Variants in AKAP8L observed in about 807,000 individuals in gnomAD.
The protein encoded by AKAP8L is A-kinase anchor protein 8-like.
A neutral mutation model predicts 77.5 loss-of-function variants in AKAP8L; 34 were observed. That is an observed-to-expected ratio of 0.44 (90% CI 0.33 to 0.58). The LOEUF is 0.58. Among genes scored for constraint, AKAP8L ranks in the 20% least tolerant of loss-of-function variants. The probability of loss-of-function intolerance (pLI) is 0.02; values close to 1 mark genes in which losing one functional copy is unlikely to be tolerated. For synonymous variants in AKAP8L, 342 were observed against 340.7 expected, an observed-to-expected ratio of 1.00 and a Z score of -0.04; for missense variants, 806 against 887.6, an observed-to-expected ratio of 0.91 and a Z score of 1.17.
chr19:15,414,686 C>T (rs554302435), intron 1 of AKAP8L, among the ~76,000 whole-genome samples: 16 of 152,182 alleles, frequency 1.1e-4, no homozygotes, highest in South Asian at 6.2e-4. Context: ...GATGGGGTTT[C>T]GCTGTGTTAG....
Position 15,401,168 on chromosome 19 carries a change from C to T in AKAP8L, c.798G>A (p.Trp266Ter). ...CACTCACTCGGAAGTCGGCTGTGGT[C>T]CAGGTCTTCCAGGTCCGCCTCATCT... Reference protein sequence around the residue: ...MKQMRRTWKTWTTADFRTKKK... With the variant: ...MKQMRRTWKT Residue 266 changes from tryptophan to a stop codon, truncating the protein, a stop_gained, in exon 5 of 14, where the codon TGG (tryptophan) becomes TGA (stop). Transcript: ENST00000397410. LOFTEE classifies it high-confidence loss of function. This position sits in a 1 kb window ranked among gnomAD's most constrained non-coding sequence, Gnocchi z 6.2. 1.2e-6 allele frequency: 2 copies of T among 1,606,658 alleles called. No homozygotes were observed. The highest frequency in any genetic ancestry group is 1.7e-6 in the Non-Finnish European group (2 of 1,176,946).
intron 1 of AKAP8L, among the ~76,000 whole-genome samples, chr19:15,411,482 G>C (rs1968104053): frequency 6.7e-6 from 1 of 149,102 alleles, no homozygotes; most frequent in African/African-American, 2.5e-5. Flanking sequence ...AAAAAAGCCA[G>C]CTGTGGCAGC....
At chr19:15,380,938 G>C (rs186379699) in intron 12 of AKAP8L, 1 of 282,222 alleles carries the variant, frequency 3.5e-6, no homozygotes, top group African/African-American at 2.2e-5. Context: ...GCCAAAGGTG[G>C]GTGCAACCTG....
At chr19:15,393,107 T>C (rs1012065575) in intron 12 of AKAP8L, among the ~76,000 whole-genome samples, 3 of 152,004 alleles carry the variant, frequency 2.0e-5, no homozygotes, top group Non-Finnish European at 4.4e-5. Flanking sequence ...TTCATTTCTT[T>C]TTCAAATGGT....
chr19:15,387,904 A>AGATCGC (rs1555697349), intron 12 of AKAP8L, among the ~76,000 whole-genome samples: 24 of 151,360 alleles, frequency 1.6e-4, no homozygotes, highest in African/African-American at 5.3e-4. Flanking sequence ...GGTTGCAGCA[A>AGATCGC]GCCAAGATCG....
chr19:15,391,842 T>G (rs1967670280), intron 12 of AKAP8L, among the ~76,000 whole-genome samples: 1 of 152,088 alleles, frequency 6.6e-6, no homozygotes, highest in African/African-American at 2.4e-5. Flanking sequence ...CAGCCTTATG[T>G]TTTTATTTTT....
intron 1 of AKAP8L, chr19:15,417,810 G>A (rs1409420155): frequency 1.3e-5 from 2 of 152,214 alleles, no homozygotes; most frequent in African/African-American, 4.8e-5. Flanking sequence ...ACCAAACAGG[G>A]AGGCCTAGTG....
intron 7 of AKAP8L, 41 bp downstream of exon 7, chr19:15,400,753 C>A (rs770068043): frequency 6.2e-7 from 1 of 1,611,494 alleles, no homozygotes; most frequent in Admixed American, 1.7e-5. Context: ...GGCCAGCTCG[C>A]CCTGCCTGCA....
chr19:15,400,896 G>A, intron 6 of AKAP8L, 32 bp from the exon 7 acceptor site: 1 of 1,613,948 alleles, frequency 6.2e-7, no homozygotes, highest in Non-Finnish European at 8.5e-7. Flanking sequence ...GCTCAACCCA[G>A]GAGTTCCCAG....
At chr19:15,389,047 T>C (rs1460342260) in intron 12 of AKAP8L, among the ~76,000 whole-genome samples, 1 of 137,972 alleles carries the variant, frequency 7.2e-6, no homozygotes, top group African/African-American at 2.7e-5. Context: ...ACCCCATCTC[T>C]ACTAAAAAAA....
Position 15,403,674 on chromosome 19 carries a change from T to C in AKAP8L, c.163A>G (p.Asn55Asp). The C allele has an allele frequency of 6.2e-7, 1 of 1,610,068 alleles. No homozygotes were observed. Among genetic ancestry groups the C allele is most frequent in the Non-Finnish European group, 8.5e-7 (1 of 1,178,066 alleles). Residue 55 changes from asparagine (N) to aspartate (D), a missense_variant, in exon 4 of 14, where the codon AAC becomes GAC. This residue lies in a region of AKAP8L where 580 missense variants were observed against 694.1 expected (regional missense o/e 0.84). Coordinates refer to ENST00000397410, the MANE Select transcript of AKAP8L (RefSeq NM_014371.4). This position sits in a 1 kb window ranked among gnomAD's most constrained non-coding sequence, Gnocchi z 4.3. ...ATACCATACCCATAGTTGGTGGTGTTATCCTGGCCATAGCCATAGCCATAG... is the reference window on the plus strand; with the variant it reads ...ATACCATACCCATAGTTGGTGGTGTCATCCTGGCCATAGCCATAGCCATAG... Reference protein sequence around the residue: ...YGYGYGYGQDNTTNYGYGMAT... With the variant: ...YGYGYGYGQDDTTNYGYGMAT...
Position 15,397,335 on chromosome 19 carries a change from G to C in AKAP8L, c.1406-55C>G. On this transcript the variant is annotated intron_variant, in intron 11 of 13. Coordinates refer to ENST00000397410, the MANE Select transcript of AKAP8L (RefSeq NM_014371.4). The surrounding 1 kb of genome is among the most constrained non-coding windows in gnomAD (Gnocchi z 4.7). ...GGCCCAGGTGCCTAAGATAGACCCAGGTGTTCGAGAAAAAAACCACACCAG... is the reference window on the plus strand; with the variant it reads ...GGCCCAGGTGCCTAAGATAGACCCACGTGTTCGAGAAAAAAACCACACCAG... 4.4e-6 allele frequency: 7 copies of C among 1,602,082 alleles called. No individual in the cohort carries two copies. The highest frequency in any genetic ancestry group is 6.0e-6 in the Non-Finnish European group (7 of 1,171,856).
At chr19:15,389,657 G>C (rs1967618564) in intron 12 of AKAP8L, among the ~76,000 whole-genome samples, 1 of 152,192 alleles carries the variant, frequency 6.6e-6, no homozygotes, top group Non-Finnish European at 1.5e-5. Flanking sequence ...TGTAATCCCA[G>C]CTACTCAGAA....
At chr19:15,386,970 T>C (rs1265947050) in intron 12 of AKAP8L, among the ~76,000 whole-genome samples, 1 of 152,068 alleles carries the variant, frequency 6.6e-6, no homozygotes, top group Non-Finnish European at 1.5e-5. Context: ...GATGTCAGTA[T>C]CTCTCATCCC....
chr19:15,415,448 A>G (rs966853488), intron 1 of AKAP8L, among the ~76,000 whole-genome samples: 1 of 152,106 alleles, frequency 6.6e-6, no homozygotes, highest in Non-Finnish European at 1.5e-5. Context: ...AAAACAAAAC[A>G]AATGCTTCTC....
intron 2 of AKAP8L, 55 bp from the exon 3 acceptor site, chr19:15,404,097 A>C: frequency 6.4e-7 from 1 of 1,573,858 alleles, no homozygotes; most frequent in Non-Finnish European, 8.7e-7. Context: ...ACAAGGCCAT[A>C]ATTCAGGCGC....
At chr19:15,402,629 C>T (rs1309058368) in intron 4 of AKAP8L, among the ~76,000 whole-genome samples, 6 of 152,234 alleles carry the variant, frequency 3.9e-5, no homozygotes, top group Non-Finnish European at 5.9e-5. Flanking sequence ...CACACCCTGC[C>T]ACCACAGCCC....
chr19:15,380,085 C>A lies in AKAP8L; in HGVS notation c.*37G>T. The A allele has an allele frequency of 6.9e-7, 1 of 1,450,482 alleles. No individual in the cohort carries two copies. The highest frequency in any genetic ancestry group is 9.0e-7 in the Non-Finnish European group (1 of 1,113,742). 89.9% of individuals were successfully genotyped at this position (1,450,482 alleles called of 1,614,324 possible). A position where few individuals can be genotyped will look rare whatever the true frequency, so the allele number is the denominator to read the frequency against. On this transcript the variant is annotated 3_prime_UTR_variant, in exon 14 of 14. Transcript: ENST00000397410. ...AAACTTTATTAGGTTTGGTTTCCAG[C>A]TTCGGCCACGCGGGCTCCGCCCGCC... is the stretch of plus-strand genomic sequence containing the variant.
At chr19:15,418,008 T>G (rs1212976512) in intron 1 of AKAP8L, among the ~76,000 whole-genome samples, 3 of 152,196 alleles carry the variant, frequency 2.0e-5, no homozygotes, top group Non-Finnish European at 4.4e-5. Context: ...TGGCTGATCT[T>G]CTAACAAGCC....
Sources: allele counts gnomAD v4.1 joint callset (sites outside exome capture counted in the v4.1 genomes callset), GRCh38; gene constraint gnomAD v4.1.1; regional missense constraint gnomAD v4.1.1; non-coding constraint Gnocchi (gnomAD v3.1); transcripts MANE v1.5; gene names NCBI Gene and HGNC (gene_info 2026-07-23, HGNC 2026-07-21).